Variants in LRRC4C observed in about 807,000 individuals in gnomAD.
The protein encoded by LRRC4C is leucine rich repeat containing 4C.
In LRRC4C, 5 loss-of-function variants were observed where a neutral mutation model predicts 33.6. The observed-to-expected ratio is 0.15, with a 90% CI of 0.08 to 0.31. The LOEUF (loss-of-function observed/expected upper bound fraction) is 0.31, where lower values mean the gene tolerates loss of function less well. Ranked by LOEUF, LRRC4C falls within the 10% of genes least tolerant of loss-of-function variation. The pLI is 1.00. For missense variants in LRRC4C, 560 were observed against 796.7 expected (o/e 0.70, Z 3.58); for synonymous variants, 329 against 302.0 (o/e 1.09, Z -0.93).
intron 3 of LRRC4C, among the ~76,000 whole-genome samples, chr11:40,346,491 C>T (rs1283713256): frequency 6.6e-6 from 1 of 152,038 alleles, no homozygotes; most frequent in Admixed American, 6.6e-5. Flanking sequence ...TAAGTGGCAG[C>T]TAAATGATGA....
rs1447615545 is a variant in LRRC4C, at chr11:41,312,762, G to T, written c.-496+146669C>A. 3.9e-5 allele frequency among the ~76,000 whole-genome samples: 6 copies of T among 152,150 alleles called. No individual in the cohort carries two copies. In the East Asian group the frequency reaches 1.2e-3, roughly 29 times the overall value. On this transcript the variant is annotated intron_variant, in intron 1 of 6. Coordinates refer to ENST00000528697, the MANE Select transcript of LRRC4C (RefSeq NM_001258419.2). ...ATGGGCCTCAGCTCTCCCAAAGTTG[G>T]GATGGGCAGCAGAGTCTCAAGTAAC...
intron 1 of LRRC4C, among the ~76,000 whole-genome samples, chr11:41,430,310 A>G (rs913244697): frequency 1.3e-5 from 2 of 152,162 alleles, no homozygotes; most frequent in Admixed American, 1.3e-4. Context: ...TATTATAGCC[A>G]TTTTTATGCC....
rs368372900 is a variant in LRRC4C at position 40,380,428 on chromosome 11, A to G, written c.-269-60707T>C. 3.9e-5 allele frequency among the ~76,000 whole-genome samples: 6 copies of G among 152,332 alleles called. No homozygotes were observed. The South Asian group carries it at 8.3e-4, about 21-fold the overall frequency. On this transcript the variant is annotated intron_variant, in intron 3 of 6. Coordinates refer to ENST00000528697, the MANE Select transcript of LRRC4C (RefSeq NM_001258419.2). ...AGCTGGGAAACTGGAATCCTAAGCT[A>G]TATAATATAGTGGTTAAAGATTTAA...
intron 1 of LRRC4C, among the ~76,000 whole-genome samples, chr11:40,970,511 A>G (rs1164053361): frequency 6.6e-6 from 1 of 151,826 alleles, no homozygotes; most frequent in Non-Finnish European, 1.5e-5. Context: ...CTTATAAAGT[A>G]CCCAGTCTCA....
intron 2 of LRRC4C, among the ~76,000 whole-genome samples, chr11:40,913,224 C>T (rs1956780915): frequency 6.6e-6 from 1 of 152,112 alleles, no homozygotes; most frequent in South Asian, 2.1e-4. Flanking sequence ...AACTCTCAAC[C>T]CCAAATCAAC....
chr11:41,166,029 CAAA>C (rs35393339), intron 1 of LRRC4C, among the ~76,000 whole-genome samples: 5 of 122,122 alleles, frequency 4.1e-5, no homozygotes, highest in Non-Finnish European at 1.8e-5. Flanking sequence ...GAAATTCTGT[CAAA>C]AAAAAAAAAA....
chr11:41,290,025 G>C (rs983769326), intron 1 of LRRC4C, among the ~76,000 whole-genome samples: 5 of 152,112 alleles, frequency 3.3e-5, no homozygotes, highest in Non-Finnish European at 5.9e-5. Context: ...CTTTCCTGTA[G>C]TAGTAGGTGT....
At chr11:40,438,522 T>C (rs1951242059) in intron 3 of LRRC4C, among the ~76,000 whole-genome samples, 1 of 152,210 alleles carries the variant, frequency 6.6e-6, no homozygotes, top group African/African-American at 2.4e-5. Flanking sequence ...AAGCAATTTG[T>C]GTCCCCAATG....
At chr11:41,247,756 C>A (rs181855402) in intron 1 of LRRC4C, among the ~76,000 whole-genome samples, 1 of 152,324 alleles carries the variant, frequency 6.6e-6, no homozygotes, top group East Asian at 1.9e-4. Context: ...TGGCAAAATT[C>A]TCTGGCATAT....
At chr11:41,111,071 T>C (rs1430468644) in intron 1 of LRRC4C, among the ~76,000 whole-genome samples, 1 of 152,046 alleles carries the variant, frequency 6.6e-6, no homozygotes, top group African/African-American at 2.4e-5. Context: ...ACTCATAGAT[T>C]GATGTTTTAA....
Position 40,524,902 on chromosome 11 carries a change from G to A in LRRC4C, c.-270+123240C>T, listed in dbSNP as rs113737192. ...CACTGTGATAAATAGTACAAGGAAC[G>A]ATTAGTTACTACTATGGTAGATTAA... is the stretch of plus-strand genomic sequence containing the variant. On this transcript the variant is annotated intron_variant, in intron 3 of 6. Coordinates refer to ENST00000528697, the MANE Select transcript of LRRC4C (RefSeq NM_001258419.2). 9.9e-3 allele frequency among the ~76,000 whole-genome samples: 1,514 copies of A among 152,248 alleles called. 19 individuals are homozygous for A. Among genetic ancestry groups the A allele is most frequent in the African/African-American group, 0.034 (1,410 of 41,544 alleles).
At chr11:40,466,090 G>T (rs1017880172) in intron 3 of LRRC4C, among the ~76,000 whole-genome samples, 1 of 152,098 alleles carries the variant, frequency 6.6e-6, no homozygotes, top group Non-Finnish European at 1.5e-5. Flanking sequence ...CCATAAAAAA[G>T]AATGAAATCA....
At chr11:40,525,007 G>C (rs1295549282) in intron 3 of LRRC4C, among the ~76,000 whole-genome samples, 1 of 152,132 alleles carries the variant, frequency 6.6e-6, no homozygotes, top group Non-Finnish European at 1.5e-5. Context: ...ATAAAGAATG[G>C]GTAGTGATTA....
intron 1 of LRRC4C, among the ~76,000 whole-genome samples, chr11:41,410,791 A>G (rs1387027059): frequency 6.6e-6 from 1 of 152,150 alleles, no homozygotes; most frequent in Admixed American, 6.5e-5. Context: ...TAAATGATTA[A>G]TAGAATTAGA....
intron 3 of LRRC4C, among the ~76,000 whole-genome samples, chr11:40,483,278 G>A (rs1322020916): frequency 6.6e-6 from 1 of 152,160 alleles, no homozygotes; most frequent in Admixed American, 6.5e-5. Flanking sequence ...CCTTGAGCTG[G>A]TGAAAGTCAC....
chr11:41,108,498 T>C (rs920135194), intron 1 of LRRC4C, among the ~76,000 whole-genome samples: 11 of 152,020 alleles, frequency 7.2e-5, no homozygotes, highest in Non-Finnish European at 2.9e-5. Context: ...CCCCAAAGAG[T>C]CTATATTTTG....
At chr11:41,323,515 T>A (rs554934420) in intron 1 of LRRC4C, among the ~76,000 whole-genome samples, 1 of 152,298 alleles carries the variant, frequency 6.6e-6, no homozygotes, top group South Asian at 2.1e-4. Flanking sequence ...AAAAGCAAAC[T>A]TTTTCTGGGA....
intron 3 of LRRC4C, among the ~76,000 whole-genome samples, chr11:40,624,671 G>T (rs77361861): frequency 2.0e-5 from 3 of 152,106 alleles, no homozygotes; most frequent in African/African-American, 4.8e-5. Context: ...CATACACTTG[G>T]CTGGTTGTCT....
chr11:41,151,533 C>A (rs1943998562), intron 1 of LRRC4C, among the ~76,000 whole-genome samples: 1 of 152,146 alleles, frequency 6.6e-6, no homozygotes, highest in African/African-American at 2.4e-5. Context: ...AATTTCAAAG[C>A]AAACTTGTGA....
Sources: allele counts gnomAD v4.1 joint callset (sites outside exome capture counted in the v4.1 genomes callset), GRCh38; gene constraint gnomAD v4.1.1; transcripts MANE v1.5; gene names NCBI Gene and HGNC (gene_info 2026-07-23, HGNC 2026-07-21).